Variants in PHF20 observed in about 807,000 individuals in gnomAD.
PHF20 encodes the protein glioma-expressed antigen 2.
A neutral mutation model predicts 113.5 loss-of-function variants in PHF20; 23 were observed. The ratio of observed to expected loss-of-function variants is 0.20; its 90% confidence interval spans 0.15 to 0.29. The LOEUF is 0.29. Ranked by LOEUF, PHF20 falls within the 10% of genes least tolerant of loss-of-function variation. The pLI, the probability that PHF20 is intolerant of heterozygous loss-of-function variation, is 1.00. For missense variants in PHF20, 943 were observed against 1,219.6 expected, an observed-to-expected ratio of 0.77 and a Z score of 3.38; for synonymous variants, 434 against 457.3, an observed-to-expected ratio of 0.95 and a Z score of 0.65.
At chr20:35,919,124 C>T (rs902091733) in intron 13 of PHF20, among the ~76,000 whole-genome samples, 3 of 151,386 alleles carry the variant, frequency 2.0e-5, no homozygotes, top group South Asian at 2.1e-4. Flanking sequence ...TCAAGCGATT[C>T]GCCTGCCTCC....
chr20:35,791,441 GTATCTATCTATCTATCTATCTATCTATC>G (rs72192292), intron 1 of PHF20, among the ~76,000 whole-genome samples: 138 of 131,368 alleles, frequency 1.1e-3, no homozygotes, highest in Non-Finnish European at 1.8e-3. Context: ...TACCAGAATA[GTATCTATCTATCTATCTATCTATCTATC>G]TATCTATCTA....
chr20:35,804,426 C>T (rs1332179550), intron 2 of PHF20, among the ~76,000 whole-genome samples: 3 of 151,850 alleles, frequency 2.0e-5, no homozygotes, highest in African/African-American at 7.3e-5. Context: ...TTAGTAGAGA[C>T]GGGGTTTCAC....
chr20:35,848,987 T>G (rs1448844952), intron 4 of PHF20, among the ~76,000 whole-genome samples: 1 of 152,162 alleles, frequency 6.6e-6, no homozygotes, highest in Non-Finnish European at 1.5e-5. Flanking sequence ...TTTCTGAAGC[T>G]CCATATTCTG....
At chr20:35,865,892 G>A (rs1415940396) in intron 6 of PHF20, among the ~76,000 whole-genome samples, 1 of 152,076 alleles carries the variant, frequency 6.6e-6, no homozygotes, top group African/African-American at 2.4e-5. Flanking sequence ...TGGCCAACAT[G>A]GTGAAATCCC....
chr20:35,834,083 T>TAAATA (rs1555791543), intron 2 of PHF20, among the ~76,000 whole-genome samples: 1 of 150,826 alleles, frequency 6.6e-6, no homozygotes, highest in African/African-American at 2.4e-5. Context: ...AATAAATAAA[T>TAAATA]AAAAAGGCGG....
chr20:35,912,694 T>A (rs1193065568), intron 10 of PHF20, among the ~76,000 whole-genome samples: 2 of 152,070 alleles, frequency 1.3e-5, no homozygotes, highest in African/African-American at 4.8e-5. Flanking sequence ...TAGCCAGGTG[T>A]GGTGGCGTGT....
In PHF20 at chr20:35,948,101, T is replaced by C; in HGVS notation, c.*474T>C. 1 of 165,794 alleles carries C rather than the reference T, an allele frequency of 6.0e-6. No individual in the cohort carries two copies. Among genetic ancestry groups the C allele is most frequent in the Admixed American group, 5.7e-5 (1 of 17,626 alleles). The allele number at this position is 165,794 out of a possible 1,614,324, so 10.3% of individuals were successfully genotyped here. A position where few individuals can be genotyped will look rare whatever the true frequency, so the allele number is the denominator to read the frequency against. On this transcript the variant is annotated 3_prime_UTR_variant, in exon 18 of 18. Transcript: ENST00000374012. ...TTCCTTTTCTAGCTTCATAGGAATA[T>C]TGTGAGCTCACCATGCTGTGGAGGT...
chr20:35,946,311 G>A (rs567964978), intron 17 of PHF20, among the ~76,000 whole-genome samples: 1 of 152,290 alleles, frequency 6.6e-6, no homozygotes, highest in African/African-American at 2.4e-5. Flanking sequence ...GCACATGCCT[G>A]TAATCCCAGC....
intron 1 of PHF20, among the ~76,000 whole-genome samples, chr20:35,780,274 G>A (rs1569113405): frequency 7.2e-6 from 1 of 139,766 alleles, no homozygotes; most frequent in Non-Finnish European, 1.5e-5. Flanking sequence ...TGCCCAGGCT[G>A]GAGTGCAGTG....
chr20:35,911,851 G>T (rs2055310975), intron 10 of PHF20, among the ~76,000 whole-genome samples: 1 of 151,966 alleles, frequency 6.6e-6, no homozygotes, highest in African/African-American at 2.4e-5. Context: ...TAGAGACGGG[G>T]TTTTGCCATG....
Position 35,858,350 on chromosome 20 carries a change from A to G in PHF20, c.389A>G (p.His130Arg), listed in dbSNP as rs1205801592. 1 of 1,597,836 alleles carries G rather than the reference A, an allele frequency of 6.3e-7. No individual in the cohort carries two copies. The highest frequency in any genetic ancestry group is 8.6e-7 in the Non-Finnish European group (1 of 1,167,626). The stretch of plus-strand genomic sequence containing the variant: ...GATGGAGTAGTTCAGACTGTCAAAC[A>G]TATTCATGTCAAAGCTTTTTCCAAA... The part of the protein sequence containing the change: ...FYDGVVQTVK[H>R]IHVKAFSKDQ... Residue 130 changes from histidine to arginine, a missense_variant, in exon 5 of 18, where the codon CAT becomes CGT. Transcript: ENST00000374012.
chr20:35,819,951 C>T (rs1056592936), intron 2 of PHF20, among the ~76,000 whole-genome samples: 1 of 152,028 alleles, frequency 6.6e-6, no homozygotes, highest in East Asian at 1.9e-4. Flanking sequence ...TCCTTTAATC[C>T]TTTAGATGCT....
chr20:35,803,369 G>A (rs1240458216), intron 2 of PHF20, among the ~76,000 whole-genome samples: 1 of 151,346 alleles, frequency 6.6e-6, no homozygotes, highest in Admixed American at 6.6e-5. Flanking sequence ...TTTCATTCAG[G>A]CTGGAGTGTA....
intron 1 of PHF20, among the ~76,000 whole-genome samples, chr20:35,798,854 T>C (rs1569124541): frequency 1.3e-5 from 2 of 151,918 alleles, no homozygotes; most frequent in Non-Finnish European, 2.9e-5. Flanking sequence ...CTCAACCTCC[T>C]GGGCTCAAGC....
chr20:35,844,639 G>A (rs143343363), intron 3 of PHF20, among the ~76,000 whole-genome samples: 1 of 150,412 alleles, frequency 6.6e-6, no homozygotes, highest in East Asian at 2.0e-4. Context: ...AAGATATCGA[G>A]TCCAAAGAGG....
chr20:35,927,710 A>G (rs1346879566), intron 13 of PHF20, 70 bp from the exon 14 acceptor site: 1 of 1,145,294 alleles, frequency 8.7e-7, no homozygotes, highest in East Asian at 2.3e-5. Flanking sequence ...TCCCCTCAGC[A>G]GGTGGGTCTT....
chr20:35,946,817 C>T (rs527738359), intron 17 of PHF20, among the ~76,000 whole-genome samples: 93 of 152,186 alleles, frequency 6.1e-4, no homozygotes, highest in African/African-American at 2.2e-3. Flanking sequence ...TCAAGCAATT[C>T]TCCTGCCTCA....
chr20:35,824,223 G>T, intron 2 of PHF20, among the ~76,000 whole-genome samples: 1 of 152,210 alleles, frequency 6.6e-6, no homozygotes, highest in East Asian at 1.9e-4. Flanking sequence ...GCTCTGCATT[G>T]TTGTCAGCAC....
chr20:35,861,986 G>A (rs1455410224), intron 5 of PHF20, among the ~76,000 whole-genome samples: 1 of 152,118 alleles, frequency 6.6e-6, no homozygotes, highest in Non-Finnish European at 1.5e-5. Flanking sequence ...AGAGAGATAT[G>A]TACACAAATA....
Sources: allele counts gnomAD v4.1 joint callset (sites outside exome capture counted in the v4.1 genomes callset), GRCh38; gene constraint gnomAD v4.1.1; transcripts MANE v1.5; gene names NCBI Gene and HGNC (gene_info 2026-07-23, HGNC 2026-07-21).